The following PNPLA7 variants were observed in gnomAD, a reference collection of about 807,000 sequenced individuals.
PNPLA7 encodes patatin like domain 7, lysophospholipase.
A neutral mutation model predicts 161.7 loss-of-function variants in PNPLA7; 153 were observed. That is an observed-to-expected ratio of 0.95 (90% CI 0.83 to 1.08). The LOEUF is 1.08. PNPLA7 is among the 50% of genes least tolerant of loss of function. The probability of loss-of-function intolerance (pLI) is 0.00; values close to 1 mark genes in which losing one functional copy is unlikely to be tolerated. For missense variants in PNPLA7, 1,739 were observed against 1,856.6 expected (o/e 0.94, Z 1.16); for synonymous variants, 809 against 782.1 (o/e 1.03, Z -0.57).
rs146968111 is a variant in PNPLA7, at chr9:137,486,559, C to T, written c.2198-1823G>A. On this transcript the variant is annotated intron_variant, in intron 20 of 34. Transcript: ENST00000406427. The surrounding 1 kb of genome is among the most constrained non-coding windows in gnomAD (Gnocchi z 6.0). The stretch of plus-strand genomic sequence containing the variant: ...AAATGATGCTGCCCATCCCACATCC[C>T]GAATGAGTGTCCAAGACTCACACAG... Among the ~76,000 whole-genome samples the T allele has an allele frequency of 1.4e-3, 208 of 152,244 alleles. 3 individuals are homozygous for T. In the East Asian group the frequency reaches 0.032, roughly 23 times the overall value.
intron 32 of PNPLA7, 22 bp downstream of exon 32, chr9:137,461,909 T>C: frequency 2.0e-6 from 3 of 1,528,912 alleles, no homozygotes; most frequent in East Asian, 2.4e-5. Context: ...GAGCTGGGCG[T>C]GGTCCGGACG....
intron 25 of PNPLA7, among the ~76,000 whole-genome samples, chr9:137,477,064 C>T (rs2132124954): frequency 6.6e-6 from 1 of 152,342 alleles, no homozygotes; most frequent in Middle Eastern, 3.4e-3. Flanking sequence ...GGAGAGGCCC[C>T]ACCCCAGAAG....
Position 137,547,254 on chromosome 9 carries a change from G to T in PNPLA7, c.193+55C>A. The T allele has an allele frequency of 6.5e-7, 1 of 1,541,546 alleles. No homozygotes were observed. Among genetic ancestry groups the T allele is most frequent in the South Asian group, 1.1e-5 (1 of 89,592 alleles). On this transcript the variant is annotated intron_variant, in intron 3 of 34. Coordinates refer to ENST00000406427, the MANE Select transcript of PNPLA7 (RefSeq NM_001098537.3). This position sits in a 1 kb window ranked among gnomAD's most constrained non-coding sequence, Gnocchi z 4.6. Reference sequence around the variant, plus strand: ...CCCAGGGGCTCAAAACACATCCCAAGACACCCACGCTTTCCCCCAACCCCC... The same window carrying T: ...CCCAGGGGCTCAAAACACATCCCAATACACCCACGCTTTCCCCCAACCCCC...
intron 1 of PNPLA7, among the ~76,000 whole-genome samples, chr9:137,549,411 C>CA (rs949996155): frequency 2.6e-5 from 4 of 151,584 alleles, no homozygotes; most frequent in South Asian, 4.2e-4. Context: ...ACTGAAAATA[C>CA]AAAAAAATAT....
intron 29 of PNPLA7, 199 bp downstream of exon 29, chr9:137,463,216 G>A (rs985408467): frequency 1.5e-5 from 9 of 601,958 alleles, no homozygotes; most frequent in South Asian, 4.0e-5. Context: ...ACATGCTGCC[G>A]GTGCCTGCGT....
intron 23 of PNPLA7, chr9:137,479,892 T>C: frequency 1.0e-6 from 1 of 985,092 alleles, no homozygotes; most frequent in Admixed American, 6.2e-5. Context: ...AGGCAGAGGG[T>C]AAGGCATTCA....
chr9:137,475,069 G>A (rs1369424293), intron 25 of PNPLA7, among the ~76,000 whole-genome samples: 2 of 150,472 alleles, frequency 1.3e-5, no homozygotes, highest in Non-Finnish European at 3.0e-5. Context: ...TAAGAGGGAG[G>A]TAAACATTTT....
At position 137,543,520 on chromosome 9, in the gene PNPLA7, G is replaced by T. The variant is rs771581299; in HGVS notation, c.418C>A (p.Pro140Thr). 6.2e-7 allele frequency: 1 copy of T among 1,613,916 alleles called. No homozygotes were observed. Among genetic ancestry groups the T allele is most frequent in the Non-Finnish European group, 8.5e-7 (1 of 1,179,992 alleles). ...GTGAGGTCGGCCTCCAGCAGGGAGG[G>T]CGGGGGCTCCTTGGGCTGCAGGGCC... ...YPALQPKEPP[P>T]SLLEADLTEF... The change falls in exon 6 of 35, where the codon CCC becomes ACC. Residue 140 changes from proline (P) to threonine (T), a missense_variant. Physicochemically the swap from Pro to Thr is conservative, Grantham distance 38 (BLOSUM62 -1). Coordinates refer to ENST00000406427, the MANE Select transcript of PNPLA7 (RefSeq NM_001098537.3). This position sits in a 1 kb window ranked among gnomAD's most constrained non-coding sequence, Gnocchi z 6.9.
At chr9:137,475,387 T>G (rs756885209) in intron 25 of PNPLA7, among the ~76,000 whole-genome samples, 3 of 152,198 alleles carry the variant, frequency 2.0e-5, no homozygotes, top group Non-Finnish European at 4.4e-5. Flanking sequence ...TTTTTGTTTT[T>G]GTTTTGAGAT....
At chr9:137,501,008 G>A (rs897036814) in intron 15 of PNPLA7, 112 bp from the exon 16 acceptor site, 18 of 888,032 alleles carry the variant, frequency 2.0e-5, no homozygotes, top group African/African-American at 1.2e-4. Flanking sequence ...ACCATCCGCC[G>A]ACCTGATCAG....
rs1202351436 is a variant in PNPLA7 at position 137,486,948 on chromosome 9, G to A, written c.2198-2212C>T. ...AAGGGTCCTGACCTCCTCAGGGAGC[G>A]CTGCCCCACCACCTGCGTGCCCCTG... On this transcript the variant is annotated intron_variant, in intron 20 of 34. Coordinates refer to ENST00000406427, the MANE Select transcript of PNPLA7 (RefSeq NM_001098537.3). This position sits in a 1 kb window ranked among gnomAD's most constrained non-coding sequence, Gnocchi z 6.0. Among the ~76,000 whole-genome samples the A allele has an allele frequency of 3.3e-5, 5 of 151,766 alleles. No homozygotes were observed. The highest frequency in any genetic ancestry group is 1.9e-4 in the East Asian group (1 of 5,170).
At position 137,520,023 on chromosome 9, in the gene PNPLA7, G is replaced by A. The variant is rs765301642; in HGVS notation, c.978C>T (p.Leu326=). 132 of 1,612,442 alleles carry A rather than the reference G, an allele frequency of 8.2e-5. No homozygotes were observed. The highest frequency in any genetic ancestry group is 6.7e-4 in the Admixed American group (40 of 59,992). Residue 326 remains leucine, a synonymous_variant, in exon 11 of 35, where the codon CTC becomes CTT. Coordinates refer to ENST00000406427, the MANE Select transcript of PNPLA7 (RefSeq NM_001098537.3). This position sits in a 1 kb window ranked among gnomAD's most constrained non-coding sequence, Gnocchi z 5.2. ...CGGCAGCCACACTGGCTACAGACAC[G>A]AGAGGGATGGCCTGGCTCTCCTGGG... is the stretch of plus-strand genomic sequence containing the variant. The part of the protein sequence containing the change: ...LFNAESQAIP[L]VSVASVAAGK...
rs1488307106 is a variant in PNPLA7, at chr9:137,537,329, T to C, written c.747+3313A>G. 1.3e-5 allele frequency among the ~76,000 whole-genome samples: 2 copies of C among 152,116 alleles called. No homozygotes were observed. The highest frequency in any genetic ancestry group is 2.4e-5 in the African/African-American group (1 of 41,388). ...TCAGATATCACCCCCATTTTTTTTT[T>C]TGAGACAGAGTTGGAGTGTCACTCT... On this transcript the variant is annotated intron_variant, in intron 8 of 34. Coordinates refer to ENST00000406427, the MANE Select transcript of PNPLA7 (RefSeq NM_001098537.3). The surrounding 1 kb of genome is among the most constrained non-coding windows in gnomAD (Gnocchi z 4.5).
At chr9:137,497,368 A>G in intron 17 of PNPLA7, 58 bp from the exon 18 acceptor site, 1 of 1,411,630 alleles carries the variant, frequency 7.1e-7, no homozygotes. Context: ...CTCCACACCC[A>G]GCTTCCCAAT....
At chr9:137,518,084 G>T (rs368245831) in intron 11 of PNPLA7, among the ~76,000 whole-genome samples, 1 of 37,886 alleles carries the variant, frequency 2.6e-5, no homozygotes, top group Admixed American at 3.6e-4. Context: ...TCCATCCCCC[G>T]TCACTCACTC....
rs12340871 is a variant in PNPLA7, at chr9:137,485,596, G to A, written c.2198-860C>T. ...ACTCCAGGAACAGTAAACAACACAC[G>A]GGCTAGACATCAATAGGCCCGTTTC... On this transcript the variant is annotated intron_variant, in intron 20 of 34. Transcript: ENST00000406427. 8.7e-3 allele frequency among the ~76,000 whole-genome samples: 1,322 copies of A among 152,376 alleles called. 18 individuals carry two copies. The highest frequency in any genetic ancestry group is 0.03 in the African/African-American group (1,259 of 41,590).
In PNPLA7 at chr9:137,550,233, C is replaced by G. The variant is rs1484651261; in HGVS notation, c.-36G>C. On this transcript the variant is annotated 5_prime_UTR_variant, in exon 1 of 35. Coordinates refer to ENST00000406427, the MANE Select transcript of PNPLA7 (RefSeq NM_001098537.3). ...AGAAAAAACAGTCAGGGGCGAAAAG[C>G]AGACAGCCTGAAGCAAACAAGGGCA... 1 of 1,612,930 alleles carries G rather than the reference C, an allele frequency of 6.2e-7. No homozygotes were observed. Among genetic ancestry groups the G allele is most frequent in the South Asian group, 1.1e-5 (1 of 91,078 alleles).
intron 20 of PNPLA7, among the ~76,000 whole-genome samples, chr9:137,488,959 C>T (rs1288868899): frequency 6.9e-6 from 1 of 145,894 alleles, no homozygotes; most frequent in Admixed American, 6.9e-5. Flanking sequence ...GCAGACATGC[C>T]TCCCAACTGT....
At chr9:137,527,935 T>G (rs1352219833) in intron 8 of PNPLA7, among the ~76,000 whole-genome samples, 2 of 152,262 alleles carry the variant, frequency 1.3e-5, no homozygotes, top group South Asian at 2.1e-4. Context: ...TCTTTAGTAG[T>G]AGCCATTCAG....
Sources: allele counts gnomAD v4.1 joint callset (sites outside exome capture counted in the v4.1 genomes callset), GRCh38; gene constraint gnomAD v4.1.1; non-coding constraint Gnocchi (gnomAD v3.1); transcripts MANE v1.5; gene names NCBI Gene and HGNC (gene_info 2026-07-23, HGNC 2026-07-21).